RBMS3: variants seen among roughly 807,000 people sequenced by gnomAD.
RBMS3 encodes RNA-binding motif, single-stranded-interacting protein 3.
A neutral mutation model predicts 66.8 loss-of-function variants in RBMS3; 27 were observed. The observed-to-expected ratio is 0.40, with a 90% confidence interval of 0.30 to 0.56. The LOEUF is 0.56. Among genes scored for constraint, RBMS3 ranks in the 20% least tolerant of loss-of-function variants. The pLI, the probability that RBMS3 is intolerant of heterozygous loss-of-function variation, is 0.40. For missense variants in RBMS3, 513 were observed against 549.5 expected, an observed-to-expected ratio of 0.93 and a Z score of 0.66; for synonymous variants, 188 against 183.0, an observed-to-expected ratio of 1.03 and a Z score of -0.22.
chr3:29,789,247 G>A (rs1161851753), intron 6 of RBMS3, among the ~76,000 whole-genome samples: 1 of 151,954 alleles, frequency 6.6e-6, no homozygotes, highest in African/African-American at 2.4e-5. Context: ...AATGGTGATA[G>A]ACGTATTTAT....
intron 4 of RBMS3, among the ~76,000 whole-genome samples, chr3:29,588,423 G>T (rs920665062): frequency 6.6e-6 from 1 of 152,074 alleles, no homozygotes; most frequent in African/African-American, 2.4e-5. Flanking sequence ...TTTAGATTTT[G>T]TTGAGATTGC....
Position 29,369,320 on chromosome 3 carries a change from A to T in RBMS3, c.76-65423A>T, listed in dbSNP as rs539345533. Reference sequence around the variant, plus strand: ...GTATGCCTGAAATAAAATAAATTTTAAAAATCTCACAAATGTTTATATTAG... The same window carrying T: ...GTATGCCTGAAATAAAATAAATTTTTAAAATCTCACAAATGTTTATATTAG... On this transcript the variant is annotated intron_variant, in intron 1 of 14. Coordinates refer to ENST00000383767, the MANE Select transcript of RBMS3 (RefSeq NM_001003793.3). Among the ~76,000 whole-genome samples, 9 of 152,190 alleles carry T rather than the reference A, an allele frequency of 5.9e-5. No homozygotes were observed. The South Asian group carries it at 1.9e-3, about 32-fold the overall frequency.
chr3:29,668,257 G>T (rs1254483448), intron 4 of RBMS3, among the ~76,000 whole-genome samples: 2 of 152,168 alleles, frequency 1.3e-5, no homozygotes, highest in African/African-American at 4.8e-5. Context: ...CTTCCCCTAA[G>T]GTTGGCCAAC....
chr3:29,669,699 T>G (rs900607879), intron 4 of RBMS3, among the ~76,000 whole-genome samples: 2 of 152,122 alleles, frequency 1.3e-5, no homozygotes, highest in African/African-American at 4.8e-5. Context: ...TTCACATGAG[T>G]GTACATTCTC....
At chr3:29,999,950 A>G (rs1297319012) in intron 14 of RBMS3, among the ~76,000 whole-genome samples, 1 of 151,940 alleles carries the variant, frequency 6.6e-6, no homozygotes, top group African/African-American at 2.4e-5. Flanking sequence ...AAAACCATAA[A>G]AACCCTAGAA....
chr3:29,433,789 C>T (rs1187579634), intron 1 of RBMS3, among the ~76,000 whole-genome samples: 2 of 151,964 alleles, frequency 1.3e-5, no homozygotes, highest in East Asian at 1.9e-4. Context: ...TTTTAAAAAC[C>T]CTCACATTGT....
chr3:29,909,385 A>G (rs1222593824), intron 10 of RBMS3, among the ~76,000 whole-genome samples: 3 of 152,162 alleles, frequency 2.0e-5, no homozygotes, highest in African/African-American at 7.2e-5. Flanking sequence ...TATAAATAGA[A>G]AAAAATAAAT....
intron 3 of RBMS3, among the ~76,000 whole-genome samples, chr3:29,548,243 C>T (rs932492373): frequency 5.9e-5 from 9 of 151,930 alleles, no homozygotes; most frequent in Non-Finnish European, 1.2e-4. Flanking sequence ...ATGGACAAAA[C>T]AGTGAGACGC....
intron 1 of RBMS3, among the ~76,000 whole-genome samples, chr3:29,324,021 A>G (rs191163185): frequency 6.5e-4 from 99 of 151,778 alleles, no homozygotes; most frequent in East Asian, 5.4e-3. Flanking sequence ...ATTCACTGCA[A>G]GCTAAATTAC....
chr3:29,493,373 G>A, intron 3 of RBMS3, among the ~76,000 whole-genome samples: 1 of 152,136 alleles, frequency 6.6e-6, no homozygotes, highest in East Asian at 1.9e-4. Flanking sequence ...TGTGACCTGT[G>A]GTAAATTAGT....
At chr3:29,791,971 T>G (rs551870669) in intron 6 of RBMS3, among the ~76,000 whole-genome samples, 1 of 152,320 alleles carries the variant, frequency 6.6e-6, no homozygotes, top group East Asian at 1.9e-4. Flanking sequence ...TAATGAAAAA[T>G]CTTAATCTCC....
intron 10 of RBMS3, among the ~76,000 whole-genome samples, chr3:29,924,145 A>G (rs1258444663): frequency 6.6e-6 from 1 of 152,152 alleles, no homozygotes; most frequent in Non-Finnish European, 1.5e-5. Flanking sequence ...CTGTCCCCCA[A>G]ACCATTCCAC....
rs145730848 is a variant in RBMS3 at position 29,354,571 on chromosome 3, G to A, written c.75+72815G>A. ...GTATCCATGGTGCACGTGTGCACGT[G>A]CGCACACACACAGACACACACACAC... On this transcript the variant is annotated intron_variant, in intron 1 of 14. Transcript: ENST00000383767. Among the ~76,000 whole-genome samples, 701 of 151,186 alleles carry A rather than the reference G, an allele frequency of 4.6e-3. 7 individuals carry two copies. Among genetic ancestry groups the A allele is most frequent in the African/African-American group, 0.015 (630 of 40,912 alleles).
chr3:29,902,551 TA>T (rs200509727), intron 10 of RBMS3, among the ~76,000 whole-genome samples: 3 of 150,956 alleles, frequency 2.0e-5, no homozygotes, highest in Admixed American at 6.6e-5. Flanking sequence ...ACCTAAAACT[TA>T]AAAAAAAATG....
chr3:29,395,206 A>G (rs2039491309), intron 1 of RBMS3, among the ~76,000 whole-genome samples: 1 of 152,144 alleles, frequency 6.6e-6, no homozygotes, highest in South Asian at 2.1e-4. Flanking sequence ...ATTGCTAGTC[A>G]TTTTCTACCA....
intron 1 of RBMS3, among the ~76,000 whole-genome samples, chr3:29,306,041 C>T (rs1575508108): frequency 6.6e-6 from 1 of 152,034 alleles, no homozygotes; most frequent in Admixed American, 6.6e-5. Context: ...CTTCACACTC[C>T]CATGCCCATC....
intron 3 of RBMS3, among the ~76,000 whole-genome samples, chr3:29,497,498 G>T (rs1040254002): frequency 7.9e-5 from 12 of 152,094 alleles, no homozygotes; most frequent in African/African-American, 2.4e-4. Flanking sequence ...CCTATTTTAA[G>T]AATTTGACTC....
chr3:29,651,208 A>G (rs9831085), intron 4 of RBMS3, among the ~76,000 whole-genome samples: 46,811 of 152,068 alleles, frequency 0.31, 7,513 homozygotes, highest in African/African-American at 0.38. Flanking sequence ...GAGGTCTTGC[A>G]TAGGACTCTA....
At chr3:29,911,736 A>G (rs767077037) in intron 10 of RBMS3, among the ~76,000 whole-genome samples, 21 of 152,068 alleles carry the variant, frequency 1.4e-4, no homozygotes, top group Non-Finnish European at 2.8e-4. Flanking sequence ...TATTCAAACA[A>G]TAAAGTAAGA....
Sources: gnomAD v4.1 joint callset for allele counts (sites outside exome capture counted in the v4.1 genomes callset) on GRCh38, gnomAD v4.1.1 for gene constraint, MANE v1.5 for transcripts, NCBI Gene and HGNC (gene_info 2026-07-23, HGNC 2026-07-21) for gene names.